MSI2: variants seen among roughly 807,000 people sequenced by gnomAD.
MSI2 encodes the protein RNA-binding protein Musashi homolog 2.
A neutral mutation model predicts 45.6 loss-of-function variants in MSI2; 17 were observed. That is an observed-to-expected ratio of 0.37 (90% confidence interval 0.26 to 0.56). The LOEUF (loss-of-function observed/expected upper bound fraction) is 0.56. Ranked by LOEUF, MSI2 falls within the 20% of genes least tolerant of loss-of-function variation. The pLI, the probability that MSI2 is intolerant of heterozygous loss-of-function variation, is 0.77. For missense variants in MSI2, 293 were observed against 444.2 expected (o/e 0.66, Z 3.06); for synonymous variants, 156 against 158.2 (o/e 0.99, Z 0.11).
chr17:57,610,086 A>G (rs1248909667), intron 8 of MSI2, among the ~76,000 whole-genome samples: 1 of 152,178 alleles, frequency 6.6e-6, no homozygotes, highest in Admixed American at 6.5e-5. Context: ...ACTGAGACTG[A>G]TAACTGTGCT....
At chr17:57,598,664 A>AT (rs397941341) in intron 8 of MSI2, among the ~76,000 whole-genome samples, 2,538 of 145,778 alleles carry the variant, frequency 0.017, 75 homozygotes, top group African/African-American at 0.06. Flanking sequence ...ACTACTTGCT[A>AT]TTTTTTTTTT....
intron 5 of MSI2, among the ~76,000 whole-genome samples, chr17:57,282,948 G>A (rs1446603077): frequency 1.3e-5 from 2 of 150,240 alleles, no homozygotes; most frequent in Admixed American, 1.3e-4. Flanking sequence ...CTTGCTGAAC[G>A]GCAGTCCTTC....
chr17:57,610,376 C>A (rs965894892), intron 8 of MSI2, among the ~76,000 whole-genome samples: 4 of 152,014 alleles, frequency 2.6e-5, no homozygotes, highest in African/African-American at 9.7e-5. Context: ...CACTTGAACC[C>A]GGGAGGCGGA....
At chr17:57,276,880 A>C (rs1245006856) in intron 5 of MSI2, among the ~76,000 whole-genome samples, 1 of 151,846 alleles carries the variant, frequency 6.6e-6, no homozygotes, top group Non-Finnish European at 1.5e-5. Flanking sequence ...CCCAGGGCTG[A>C]CTCGGTCTCC....
chr17:57,583,520 C>T (rs2088265187), intron 7 of MSI2, among the ~76,000 whole-genome samples: 1 of 123,108 alleles, frequency 8.1e-6, no homozygotes. Flanking sequence ...GACAGGGTCT[C>T]ACTCTGTTGT....
In MSI2 at chr17:57,684,191, C is replaced by G. The variant is rs1245148727; in HGVS notation, c.*4674C>G. Reference sequence around the variant, plus strand: ...ACTACTGTATTCTGTACATAATGTACCATCCCATGTGGAATCTGTGAGTGT... The same window carrying G: ...ACTACTGTATTCTGTACATAATGTAGCATCCCATGTGGAATCTGTGAGTGT... On this transcript the variant is annotated 3_prime_UTR_variant, in exon 14 of 14. Transcript: ENST00000284073. 4.7e-6 allele frequency: 1 copy of G among 213,374 alleles called. No homozygotes were observed. Among genetic ancestry groups the G allele is most frequent in the East Asian group, 6.9e-5 (1 of 14,538 alleles). The allele number at this position is 213,374 out of a possible 1,614,324, so 13.2% of individuals were successfully genotyped here. A position where few individuals can be genotyped will look rare whatever the true frequency, so the allele number is the denominator to read the frequency against.
At chr17:57,615,690 G>A (rs1290020320) in intron 8 of MSI2, among the ~76,000 whole-genome samples, 3 of 152,178 alleles carry the variant, frequency 2.0e-5, no homozygotes, top group South Asian at 2.1e-4. Flanking sequence ...CTGCACGAGC[G>A]TCAGCCTGAG....
At chr17:57,435,407 G>A (rs997913332) in intron 6 of MSI2, among the ~76,000 whole-genome samples, 2 of 152,204 alleles carry the variant, frequency 1.3e-5, no homozygotes, top group African/African-American at 4.8e-5. Context: ...AGGGGAAGAA[G>A]TTTGAATTTT....
intron 5 of MSI2, among the ~76,000 whole-genome samples, chr17:57,300,729 C>T (rs141463583): frequency 3.9e-5 from 6 of 152,178 alleles, no homozygotes; most frequent in African/African-American, 7.2e-5. Flanking sequence ...TGGTGGAAGG[C>T]GACAGTCATG....
At chr17:57,298,227 G>A (rs1209612846) in intron 5 of MSI2, among the ~76,000 whole-genome samples, 4 of 152,054 alleles carry the variant, frequency 2.6e-5, no homozygotes, top group Admixed American at 1.3e-4. Flanking sequence ...CCTGATCCAC[G>A]GTTGCAGAAT....
chr17:57,264,664 A>C (rs1446306394), intron 5 of MSI2: 1 of 152,258 alleles, frequency 6.6e-6, no homozygotes, highest in East Asian at 1.9e-4. Context: ...CCCTATGAGG[A>C]GAGTACTAGT....
chr17:57,275,047 G>T (rs926319191), intron 5 of MSI2, among the ~76,000 whole-genome samples: 4 of 152,208 alleles, frequency 2.6e-5, no homozygotes, highest in African/African-American at 9.7e-5. Context: ...AAAGTGTTCT[G>T]TTCTTGCTGG....
chr17:57,669,075 CTGCTCAAG>C (rs1461215695), intron 11 of MSI2, among the ~76,000 whole-genome samples: 1 of 152,250 alleles, frequency 6.6e-6, no homozygotes, highest in African/African-American at 2.4e-5. Flanking sequence ...CTACCTTGCT[CTGCTCAAG>C]ACATGCCAAT....
chr17:57,502,636 T>TATATATATCATAG lies in MSI2; in HGVS notation c.406-27039_406-27038insTATATATCATAGA. ...ATATATATATATATATATATATATATAGTCATCATTCTGTCATGCAGGAAG... is the reference window on the plus strand; with the variant it reads ...ATATATATATATATATATATATATATATATATATCATAGAGTCATCATTCTGTCATGCAGGAAG... On this transcript the variant is annotated intron_variant, in intron 6 of 13. Coordinates refer to ENST00000284073, the MANE Select transcript of MSI2 (RefSeq NM_138962.4). Among the ~76,000 whole-genome samples, 113 of 96,928 alleles carry TATATATATCATAG rather than the reference T, an allele frequency of 1.2e-3. 3 individuals carry two copies. The highest frequency in any genetic ancestry group is 3.7e-3 in the African/African-American group (105 of 28,714). 63.6% of individuals were successfully genotyped at this position (96,928 alleles called of 152,430 possible).
At chr17:57,429,721 A>G (rs555640850) in intron 6 of MSI2, among the ~76,000 whole-genome samples, 134 of 125,414 alleles carry the variant, frequency 1.1e-3, no homozygotes, top group African/African-American at 4.0e-3. Context: ...GGTCTTTCAC[A>G]TTGATTAGAT....
intron 6 of MSI2, among the ~76,000 whole-genome samples, chr17:57,477,794 T>C (rs781546491): frequency 2.0e-5 from 3 of 152,134 alleles, no homozygotes; most frequent in Admixed American, 6.5e-5. Flanking sequence ...TTCTTAGATG[T>C]TGGGGACTTG....
intron 5 of MSI2, among the ~76,000 whole-genome samples, chr17:57,360,109 T>C (rs1598167825): frequency 6.6e-6 from 1 of 152,156 alleles, no homozygotes; most frequent in Non-Finnish European, 1.5e-5. Flanking sequence ...GCACTGGGGG[T>C]TGCACCCATG....
chr17:57,688,444 T>G (rs1352828269), downstream of MSI2, among the ~76,000 whole-genome samples: 6 of 152,070 alleles, frequency 3.9e-5, no homozygotes, highest in Non-Finnish European at 7.4e-5. Context: ...GGTATATGCA[T>G]TATAATAATG....
chr17:57,515,631 A>G (rs2086455601), intron 6 of MSI2, among the ~76,000 whole-genome samples: 1 of 152,186 alleles, frequency 6.6e-6, no homozygotes, highest in African/African-American at 2.4e-5. Flanking sequence ...GCTGTATATG[A>G]AATTTCCTGA....
Sources: gnomAD v4.1 joint callset for allele counts (sites outside exome capture counted in the v4.1 genomes callset) on GRCh38, gnomAD v4.1.1 for gene constraint, MANE v1.5 for transcripts, NCBI Gene and HGNC (gene_info 2026-07-23, HGNC 2026-07-21) for gene names.